The following TNNI3K variants were observed in gnomAD, a reference collection of about 807,000 sequenced individuals.
The protein encoded by TNNI3K is serine/threonine-protein kinase TNNI3K.
TNNI3K carries 140 observed loss-of-function variants against 114.5 expected under a neutral mutation model. The observed-to-expected ratio is 1.22, with a 90% CI of 1.07 to 1.41. The LOEUF is 1.41. TNNI3K is among the 40% of genes most tolerant of loss of function. The probability of loss-of-function intolerance (pLI) is 0.00; values close to 1 mark genes in which losing one functional copy is unlikely to be tolerated. For missense variants in TNNI3K, 1,125 were observed against 1,007.6 expected (o/e 1.12, Z -1.58); for synonymous variants, 347 against 347.5 (o/e 1.00, Z 0.02).
intron 11 of TNNI3K, among the ~76,000 whole-genome samples, chr1:74,355,938 T>C (rs1661632621): frequency 6.6e-6 from 1 of 152,178 alleles, no homozygotes; most frequent in Non-Finnish European, 1.5e-5. Flanking sequence ...GCACATATTA[T>C]AACCATATAG....
chr1:74,480,577 C>A (rs1286862707), intron 21 of TNNI3K: 1 of 717,318 alleles, frequency 1.4e-6, no homozygotes, highest in Non-Finnish European at 2.6e-6. Context: ...AATCCAGATA[C>A]CTGAGACTGT....
At position 74,543,991 on chromosome 1, in the gene TNNI3K, G is replaced by T. The variant is rs372010420; in HGVS notation, c.*9G>T. 2 of 1,611,478 alleles carry T rather than the reference G, an allele frequency of 1.2e-6. No homozygotes were observed. The highest frequency in any genetic ancestry group is 1.3e-5 in the African/African-American group (1 of 74,872). On this transcript the variant is annotated 3_prime_UTR_variant, in exon 25 of 25. Transcript: ENST00000326637. Reference sequence around the variant, plus strand: ...TTGAGGACAGCAGCTGACAGCATTCGGCGTATACCTAAGGAGAGTTTTTTC... The same window carrying T: ...TTGAGGACAGCAGCTGACAGCATTCTGCGTATACCTAAGGAGAGTTTTTTC...
At chr1:74,486,201 AAGAGAGAGAGAG>A (rs58506314) in intron 21 of TNNI3K, among the ~76,000 whole-genome samples, 1 of 136,412 alleles carries the variant, frequency 7.3e-6, no homozygotes. Flanking sequence ...AAATGCTATA[AAGAGAGAGAGAG>A]AGAGAGAGAG....
intron 5 of TNNI3K, among the ~76,000 whole-genome samples, chr1:74,298,609 G>C (rs1337046150): frequency 6.6e-6 from 1 of 151,934 alleles, no homozygotes; most frequent in Non-Finnish European, 1.5e-5. Flanking sequence ...TTCTGCTGTA[G>C]GTTTTTCTCC....
At chr1:74,305,017 A>G (rs1658535803) in intron 5 of TNNI3K, among the ~76,000 whole-genome samples, 1 of 152,174 alleles carries the variant, frequency 6.6e-6, no homozygotes, top group Non-Finnish European at 1.5e-5. Context: ...TTTAGTTATT[A>G]ATTATAATAA....
chr1:74,468,830 G>A (rs774035955), intron 21 of TNNI3K, among the ~76,000 whole-genome samples: 1 of 152,022 alleles, frequency 6.6e-6, no homozygotes, highest in South Asian at 2.1e-4. Context: ...ATTCTAAATT[G>A]TGAAGGTATG....
intron 3 of TNNI3K, among the ~76,000 whole-genome samples, chr1:74,250,031 T>G (rs563018792): frequency 6.6e-6 from 1 of 152,328 alleles, no homozygotes; most frequent in South Asian, 2.1e-4. Flanking sequence ...CTCAAGTAAT[T>G]TGAATGGTGC....
chr1:74,541,383 T>C (rs570663007), intron 24 of TNNI3K, among the ~76,000 whole-genome samples: 3 of 152,322 alleles, frequency 2.0e-5, no homozygotes, highest in South Asian at 2.1e-4. Flanking sequence ...TCCCAATACA[T>C]ATCTAGAATG....
chr1:74,463,313 G>A (rs1667527677), intron 20 of TNNI3K, 128 bp from the exon 21 acceptor site: 3 of 915,676 alleles, frequency 3.3e-6, no homozygotes, highest in Middle Eastern at 2.2e-4. Context: ...AAAGCCTAGA[G>A]GTCTCTTTGA....
At chr1:74,465,503 G>A (rs1667634781) in intron 21 of TNNI3K, among the ~76,000 whole-genome samples, 2 of 152,204 alleles carry the variant, frequency 1.3e-5, no homozygotes, top group African/African-American at 2.4e-5. Flanking sequence ...CCACACGGCA[G>A]GGCTTGGGAC....
chr1:74,418,569 AAGT>A (rs1361053579), intron 17 of TNNI3K, among the ~76,000 whole-genome samples: 5 of 152,210 alleles, frequency 3.3e-5, no homozygotes, highest in African/African-American at 9.6e-5. Context: ...AAATATTATA[AAGT>A]AGTCAATTTT....
intron 23 of TNNI3K, among the ~76,000 whole-genome samples, chr1:74,524,240 C>T (rs1030115615): frequency 2.6e-5 from 4 of 152,194 alleles, no homozygotes; most frequent in African/African-American, 9.7e-5. Flanking sequence ...TCTGAAGAGT[C>T]TGTTGGGAAT....
chr1:74,481,243 A>G (rs1314981251), intron 21 of TNNI3K, among the ~76,000 whole-genome samples: 3 of 152,080 alleles, frequency 2.0e-5, no homozygotes, highest in African/African-American at 2.4e-5. Context: ...AAGTTAATTC[A>G]TTGTTTCGGA....
At chr1:74,291,510 C>G (rs1210051680) in intron 5 of TNNI3K, among the ~76,000 whole-genome samples, 2 of 151,442 alleles carry the variant, frequency 1.3e-5, no homozygotes, top group Non-Finnish European at 3.0e-5. Context: ...TTATTCGTTT[C>G]ATTTTACAGA....
Position 74,367,330 on chromosome 1 carries a change from C to T in TNNI3K, c.1252C>T (p.Gln418Ter), listed in dbSNP as rs1389911058. 1.2e-5 allele frequency: 19 copies of T among 1,611,986 alleles called. No individual in the cohort carries two copies. Among genetic ancestry groups the T allele is most frequent in the Admixed American group, 1.7e-5 (1 of 59,848 alleles). The change falls in exon 12 of 25, where the codon CAG (glutamine) becomes TAG (stop). Residue 418 changes from glutamine (Q) to a stop codon, truncating the protein, a stop_gained. Transcript: ENST00000326637. LOFTEE classifies it high-confidence loss of function. ...QDELPCNEYS[Q>*]PGGDGSYVSV... ...TGAATTGCCCTGTAATGAATATTCT[C>T]AGCCTGGAGGAGGTACCCCTTTTCT...
chr1:74,433,559 G>T (rs1459187513), intron 17 of TNNI3K, among the ~76,000 whole-genome samples: 1 of 152,132 alleles, frequency 6.6e-6, no homozygotes, highest in Admixed American at 6.6e-5. Context: ...TCTAGCACTT[G>T]CTAAGTTGCT....
chr1:74,445,890 G>T (rs566529046), intron 20 of TNNI3K, among the ~76,000 whole-genome samples: 4 of 152,254 alleles, frequency 2.6e-5, no homozygotes, highest in Admixed American at 1.3e-4. Flanking sequence ...GACTACAGGC[G>T]TGAGCCACCG....
At chr1:74,353,142 C>G in intron 9 of TNNI3K, 124 bp from the exon 10 acceptor site, 1 of 999,046 alleles carries the variant, frequency 1.0e-6, no homozygotes, top group Non-Finnish European at 1.5e-6. Flanking sequence ...TAAATACAGT[C>G]TCATTGTCAG....
intron 21 of TNNI3K, among the ~76,000 whole-genome samples, chr1:74,466,964 A>C (rs977208187): frequency 1.3e-5 from 2 of 152,208 alleles, no homozygotes; most frequent in Non-Finnish European, 2.9e-5. Context: ...GTTAACTGCC[A>C]AGGTTAAGAA....
Sources: gnomAD v4.1 joint callset for allele counts (sites outside exome capture counted in the v4.1 genomes callset) on GRCh38, gnomAD v4.1.1 for gene constraint, MANE v1.5 for transcripts, NCBI Gene and HGNC (gene_info 2026-07-23, HGNC 2026-07-21) for gene names.